Variants in CNTN5 observed in about 807,000 individuals in gnomAD.
CNTN5 encodes the protein contactin 5, also known as contactin-5.
In CNTN5, 77 loss-of-function variants were observed where a neutral mutation model predicts 129.1. That is an observed-to-expected ratio of 0.60 (90% CI 0.50 to 0.72). The LOEUF (loss-of-function observed/expected upper bound fraction) is 0.72. Ranked by LOEUF, CNTN5 falls within the 30% of genes least tolerant of loss-of-function variation. The probability of loss-of-function intolerance (pLI) is 0.00; values close to 1 mark genes in which losing one functional copy is unlikely to be tolerated. For synonymous variants in CNTN5, 509 were observed against 465.6 expected (o/e 1.09, Z -1.20); for missense variants, 1,478 against 1,328.8 (o/e 1.11, Z -1.75).
intron 23 of CNTN5, among the ~76,000 whole-genome samples, chr11:100,343,427 T>TG (rs1952208932): frequency 7.3e-6 from 1 of 136,716 alleles, no homozygotes; most frequent in South Asian, 2.2e-4. Context: ...ATGAGTGGGA[T>TG]GATCCCCACT....
At chr11:99,753,664 A>C (rs990669075) in intron 3 of CNTN5, among the ~76,000 whole-genome samples, 2 of 133,684 alleles carry the variant, frequency 1.5e-5, no homozygotes, top group African/African-American at 2.7e-5. Flanking sequence ...AAAAAAAAAA[A>C]AAAAACAGGT....
At chr11:99,670,795 A>G (rs1361539494) in intron 3 of CNTN5, among the ~76,000 whole-genome samples, 1 of 152,154 alleles carries the variant, frequency 6.6e-6, no homozygotes, top group Non-Finnish European at 1.5e-5. Context: ...CATGCTGCCA[A>G]CTAACTGTGC....
intron 9 of CNTN5, among the ~76,000 whole-genome samples, chr11:100,047,140 A>G (rs1942723964): frequency 6.6e-6 from 1 of 152,010 alleles, no homozygotes; most frequent in Admixed American, 6.6e-5. Flanking sequence ...AAAAACTAAG[A>G]AAAACTAGTA....
intron 18 of CNTN5, among the ~76,000 whole-genome samples, chr11:100,283,084 G>A (rs1270605659): frequency 6.6e-6 from 1 of 151,890 alleles, no homozygotes; most frequent in African/African-American, 2.4e-5. Flanking sequence ...CTACACCTCT[G>A]TGGCTGAGCT....
chr11:99,375,213 G>T (rs1340041349), intron 2 of CNTN5, among the ~76,000 whole-genome samples: 3 of 139,118 alleles, frequency 2.2e-5, no homozygotes, highest in Non-Finnish European at 4.6e-5. Flanking sequence ...TGAGGCACGA[G>T]AATTGCTTGA....
chr11:100,150,528 A>C (rs183757206), intron 13 of CNTN5, among the ~76,000 whole-genome samples: 1,847 of 152,028 alleles, frequency 0.012, 16 homozygotes, highest in Middle Eastern at 0.02. Context: ...TTGTCAGTTA[A>C]TCTATAAATA....
At chr11:100,188,629 T>C (rs2123323) in intron 13 of CNTN5, among the ~76,000 whole-genome samples, 87,340 of 152,044 alleles carry the variant, frequency 0.57, 25,216 homozygotes, top group South Asian at 0.75. Flanking sequence ...AATGTTTACA[T>C]ACTGTTGGTG....
chr11:99,206,507 G>A (rs954912339), intron 1 of CNTN5, among the ~76,000 whole-genome samples: 10 of 152,060 alleles, frequency 6.6e-5, no homozygotes, highest in South Asian at 2.1e-4. Context: ...GTGGGAGATC[G>A]AATTCATCAA....
At chr11:100,337,322 A>G in intron 21 of CNTN5, 2 of 940,376 alleles carry the variant, frequency 2.1e-6, no homozygotes, top group Admixed American at 1.7e-5. Context: ...TGAGTTCACC[A>G]TACATATTCT....
At chr11:99,380,592 A>G (rs575622022) in intron 2 of CNTN5, among the ~76,000 whole-genome samples, 1 of 152,100 alleles carries the variant, frequency 6.6e-6, no homozygotes, top group African/African-American at 2.4e-5. Context: ...CCACATGGTG[A>G]GACCCTGTCT....
At chr11:100,204,494 G>C (rs936228296) in intron 15 of CNTN5, among the ~76,000 whole-genome samples, 2 of 149,378 alleles carry the variant, frequency 1.3e-5, no homozygotes, top group African/African-American at 4.9e-5. Context: ...AGAGAGAAGA[G>C]AGACAGGCTC....
rs555465147 is a variant in CNTN5 at position 99,679,035 on chromosome 11, AAAT to A, written c.55+122768_55+122770del. 1.9e-3 allele frequency among the ~76,000 whole-genome samples: 278 copies of A among 147,518 alleles called. 3 individuals are homozygous for A. Among genetic ancestry groups the A allele is most frequent in the African/African-American group, 6.4e-3 (262 of 40,770 alleles). On this transcript the variant is annotated intron_variant, in intron 3 of 24. Transcript: ENST00000524871. ...TATATTTCTTTTAAATATATATATA[AAAT>A]ATATGCATTTTATATATACTTATAT...
intron 15 of CNTN5, among the ~76,000 whole-genome samples, chr11:100,204,594 G>A (rs1388897986): frequency 2.0e-5 from 3 of 150,920 alleles, no homozygotes; most frequent in East Asian, 2.0e-4. Flanking sequence ...TCCCACCTCA[G>A]CCTCCAGTTA....
chr11:99,566,317 C>T (rs1294497688), intron 3 of CNTN5, among the ~76,000 whole-genome samples: 1 of 152,170 alleles, frequency 6.6e-6, no homozygotes, highest in Non-Finnish European at 1.5e-5. Context: ...TCCTAAAGCC[C>T]TCACCAGAAG....
chr11:99,134,583 G>T (rs1381014258), intron 1 of CNTN5, among the ~76,000 whole-genome samples: 1 of 152,058 alleles, frequency 6.6e-6, no homozygotes, highest in African/African-American at 2.4e-5. Context: ...TTGGCACTGT[G>T]GATCAAGTAC....
chr11:99,637,712 A>C (rs670907), intron 3 of CNTN5, among the ~76,000 whole-genome samples: 91,139 of 151,652 alleles, frequency 0.6, 28,219 homozygotes, highest in Admixed American at 0.69. Context: ...ATAACTATTT[A>C]TTTTACTTTA....
intron 2 of CNTN5, among the ~76,000 whole-genome samples, chr11:99,476,455 CT>C (rs1290340096): frequency 6.6e-6 from 1 of 152,058 alleles, no homozygotes; most frequent in African/African-American, 2.4e-5. Flanking sequence ...AAGCAATGAT[CT>C]TTTAAAAAAT....
intron 9 of CNTN5, among the ~76,000 whole-genome samples, chr11:100,039,860 A>G (rs1252343771): frequency 3.9e-5 from 6 of 152,052 alleles, no homozygotes; most frequent in Admixed American, 3.9e-4. Context: ...TATCCTGGTT[A>G]TCCATTCATC....
intron 1 of CNTN5, among the ~76,000 whole-genome samples, chr11:99,299,623 C>T (rs1864538416): frequency 6.6e-6 from 1 of 152,086 alleles, no homozygotes; most frequent in South Asian, 2.1e-4. Context: ...GTTTAGCTTC[C>T]ACATATAAGT....
Sources: gnomAD v4.1 joint callset for allele counts (sites outside exome capture counted in the v4.1 genomes callset) on GRCh38, gnomAD v4.1.1 for gene constraint, MANE v1.5 for transcripts, NCBI Gene and HGNC (gene_info 2026-07-23, HGNC 2026-07-21) for gene names.